LRFN2: variants seen among roughly 807,000 people sequenced by gnomAD.
LRFN2 encodes the protein leucine rich repeat and fibronectin type III domain containing 2.
A neutral mutation model predicts 37.3 loss-of-function variants in LRFN2; 18 were observed. That is an observed-to-expected ratio of 0.48 (90% CI 0.33 to 0.72). LRFN2 has a LOEUF of 0.72. Among genes scored for constraint, LRFN2 ranks in the 30% least tolerant of loss-of-function variants. The pLI, the probability that LRFN2 is intolerant of heterozygous loss-of-function variation, is 0.02. For synonymous variants in LRFN2, 556 were observed against 466.6 expected (o/e 1.19, Z -2.47); for missense variants, 1,006 against 1,060.7 (o/e 0.95, Z 0.72).
chr6:40,556,751 A>ACACACG lies in LRFN2; in HGVS notation c.-19+30189_-19+30190insCGTGTG, dbSNP rs1554144347. On this transcript the variant is annotated intron_variant, in intron 1 of 2. Transcript: ENST00000338305. ...CACACACACACACACACACACACAC[A>ACACACG]CGCACACACTCCTACTGATGCTCTT... is the stretch of plus-strand genomic sequence containing the variant. Among the ~76,000 whole-genome samples the ACACACG allele has an allele frequency of 9.3e-4, 124 of 133,062 alleles. 1 individual carries two copies. The highest frequency in any genetic ancestry group is 3.6e-3 in the African/African-American group (118 of 33,120). 87.3% of individuals were successfully genotyped at this position (133,062 alleles called of 152,430 possible).
intron 1 of LRFN2, among the ~76,000 whole-genome samples, chr6:40,472,761 G>A (rs9296335): frequency 0.045 from 6,770 of 152,102 alleles, 413 homozygotes; most frequent in African/African-American, 0.14. Context: ...TCTCCTGCCT[G>A]CACCTGCTGC....
At chr6:40,488,355 G>A (rs1326029476) in intron 1 of LRFN2, among the ~76,000 whole-genome samples, 2 of 122,784 alleles carry the variant, frequency 1.6e-5, no homozygotes, top group Non-Finnish European at 3.4e-5. Context: ...AACCCCCACC[G>A]CCATCCCCAC....
At chr6:40,397,407 T>A (rs979432880) in intron 2 of LRFN2, among the ~76,000 whole-genome samples, 6 of 152,202 alleles carry the variant, frequency 3.9e-5, no homozygotes, top group Admixed American at 1.3e-4. Flanking sequence ...CAAATTTTGC[T>A]CCCTGAAAGT....
chr6:40,433,522 G>A (rs922414242), intron 1 of LRFN2, among the ~76,000 whole-genome samples: 1 of 151,882 alleles, frequency 6.6e-6, no homozygotes, highest in African/African-American at 2.4e-5. Flanking sequence ...GGATGGATGG[G>A]TGGATGGATG....
intron 1 of LRFN2, among the ~76,000 whole-genome samples, chr6:40,436,277 C>T (rs757454914): frequency 6.6e-6 from 1 of 152,154 alleles, no homozygotes; most frequent in Non-Finnish European, 1.5e-5. Flanking sequence ...AACTGTAGCT[C>T]ACAGACCAAA....
At chr6:40,474,478 A>T (rs1764667936) in intron 1 of LRFN2, among the ~76,000 whole-genome samples, 1 of 151,284 alleles carries the variant, frequency 6.6e-6, no homozygotes. Context: ...TAATCCATTT[A>T]TTTTTTGTTT....
intron 1 of LRFN2, among the ~76,000 whole-genome samples, chr6:40,541,935 CAG>C (rs1766562161): frequency 6.6e-6 from 1 of 152,338 alleles, no homozygotes; most frequent in Middle Eastern, 3.4e-3. Context: ...CAGCAGCATG[CAG>C]AGTGTCAGGC....
At chr6:40,522,830 C>T (rs993960871) in intron 1 of LRFN2, among the ~76,000 whole-genome samples, 1 of 152,220 alleles carries the variant, frequency 6.6e-6, no homozygotes, top group African/African-American at 2.4e-5. Flanking sequence ...GACAGCCACT[C>T]ATGCCTTCCC....
chr6:40,454,772 C>T (rs1764199234), intron 1 of LRFN2, among the ~76,000 whole-genome samples: 2 of 152,166 alleles, frequency 1.3e-5, no homozygotes, highest in South Asian at 4.1e-4. Flanking sequence ...TTTGTTATAG[C>T]ATTGTTTATA....
At chr6:40,444,117 C>A (rs1240610881) in intron 1 of LRFN2, among the ~76,000 whole-genome samples, 1 of 152,144 alleles carries the variant, frequency 6.6e-6, no homozygotes, top group Non-Finnish European at 1.5e-5. Flanking sequence ...CCTACCCGGG[C>A]ACAGAGCAGG....
At chr6:40,511,642 C>T (rs755017388) in intron 1 of LRFN2, among the ~76,000 whole-genome samples, 4 of 151,890 alleles carry the variant, frequency 2.6e-5, no homozygotes, top group South Asian at 2.1e-4. Context: ...AAAGGAGGCA[C>T]GAGGGGTGTT....
At chr6:40,508,784 C>T (rs1228048238) in intron 1 of LRFN2, among the ~76,000 whole-genome samples, 2 of 152,192 alleles carry the variant, frequency 1.3e-5, no homozygotes, top group Non-Finnish European at 2.9e-5. Flanking sequence ...GTAATAGTAA[C>T]AGCAGAAGCA....
At chr6:40,579,611 C>G (rs1308717490) in intron 1 of LRFN2, among the ~76,000 whole-genome samples, 1 of 118,266 alleles carries the variant, frequency 8.5e-6, no homozygotes, top group Non-Finnish European at 1.8e-5. Context: ...CGAACACACA[C>G]AAACACACAC....
At chr6:40,529,790 C>T (rs958390770) in intron 1 of LRFN2, among the ~76,000 whole-genome samples, 2 of 152,216 alleles carry the variant, frequency 1.3e-5, no homozygotes, top group African/African-American at 2.4e-5. Flanking sequence ...AATTGCATAA[C>T]CCCCACAGGG....
chr6:40,559,954 C>T (rs1766963029), intron 1 of LRFN2, among the ~76,000 whole-genome samples: 1 of 152,202 alleles, frequency 6.6e-6, no homozygotes, highest in Admixed American at 6.5e-5. Context: ...TGGCCCTCCC[C>T]ATGCCAAGGC....
At chr6:40,541,168 C>T (rs578082223) in intron 1 of LRFN2, among the ~76,000 whole-genome samples, 19 of 152,290 alleles carry the variant, frequency 1.2e-4, no homozygotes, top group Middle Eastern at 3.4e-3. Flanking sequence ...CAGCCATCAG[C>T]GGGTCCCAGG....
chr6:40,522,806 G>GA (rs1561893832), intron 1 of LRFN2, among the ~76,000 whole-genome samples: 3 of 152,064 alleles, frequency 2.0e-5, no homozygotes, highest in African/African-American at 7.2e-5. Context: ...AAGAAAAAAG[G>GA]GGGAATCAGG....
In LRFN2 at chr6:40,392,422, C is replaced by A. The variant is rs1461839304; in HGVS notation, c.1891G>T (p.Glu631Ter). The change falls in exon 3 of 3, where the codon GAG becomes TAG. Residue 631 changes from glutamate (E) to a stop codon, truncating the protein, a stop_gained. Transcript: ENST00000338305. LOFTEE classifies it high-confidence loss of function. The surrounding 1 kb of genome is among the most constrained non-coding windows in gnomAD (Gnocchi z 4.7). ...GGGGCCCGTCCCAGCCCCGCAGCCT[C>A]CCCACTGCCCAGGGAGCTGGAGGAA... ...SSSSSSLGSGEAAGLGRAPWR... is the reference protein window; with the variant it reads ...SSSSSSLGSG 2 of 1,567,712 alleles carry A rather than the reference C, an allele frequency of 1.3e-6. No individual in the cohort carries two copies. Among genetic ancestry groups the A allele is most frequent in the Non-Finnish European group, 1.7e-6 (2 of 1,156,374 alleles).
At chr6:40,458,670 C>A (rs966681346) in intron 1 of LRFN2, among the ~76,000 whole-genome samples, 4 of 152,216 alleles carry the variant, frequency 2.6e-5, no homozygotes, top group Admixed American at 2.0e-4. Context: ...GGCAATGTGA[C>A]CTTGTGTTCT....
Sources: gnomAD v4.1 joint callset for allele counts (sites outside exome capture counted in the v4.1 genomes callset) on GRCh38, gnomAD v4.1.1 for gene constraint, Gnocchi (gnomAD v3.1) non-coding constraint, MANE v1.5 for transcripts, NCBI Gene and HGNC (gene_info 2026-07-23, HGNC 2026-07-21) for gene names.